DSTN: variants seen among roughly 807,000 people sequenced by gnomAD.
DSTN encodes the protein destrin.
In DSTN, 10 loss-of-function variants were observed where a neutral mutation model predicts 16.8. The ratio of observed to expected loss-of-function variants is 0.60; its 90% confidence interval spans 0.37 to 1.01. The LOEUF (loss-of-function observed/expected upper bound fraction) is 1.01. Ranked by LOEUF, DSTN falls within the 50% of genes least tolerant of loss-of-function variation. The pLI is 0.01. For missense variants in DSTN, 141 were observed against 196.7 expected, an observed-to-expected ratio of 0.72 and a Z score of 1.69; for synonymous variants, 57 against 58.9, an observed-to-expected ratio of 0.97 and a Z score of 0.14.
chr20:17,577,354 A>G (rs1485521114), intron 1 of DSTN, among the ~76,000 whole-genome samples: 1 of 152,156 alleles, frequency 6.6e-6, no homozygotes, highest in Admixed American at 6.5e-5. Flanking sequence ...GAATTCTCAA[A>G]TCATTGTAAG....
chr20:17,597,085 C>T (rs1430158540), intron 1 of DSTN, among the ~76,000 whole-genome samples: 1 of 152,116 alleles, frequency 6.6e-6, no homozygotes, highest in Non-Finnish European at 1.5e-5. Flanking sequence ...ATTTTTGTTG[C>T]TTTGAACATT....
chr20:17,592,597 AT>A (rs869270512), intron 1 of DSTN, among the ~76,000 whole-genome samples: 1 of 135,202 alleles, frequency 7.4e-6, no homozygotes, highest in East Asian at 2.4e-4. Context: ...GTTTTTTATT[AT>A]TTTTGCAGGC....
chr20:17,579,247 A>G (rs1384537689), intron 1 of DSTN, among the ~76,000 whole-genome samples: 2 of 152,104 alleles, frequency 1.3e-5, no homozygotes, highest in East Asian at 3.9e-4. Context: ...ACCTACCACC[A>G]CAACAGTATG....
At chr20:17,604,482 G>A in intron 2 of DSTN, 73 bp from the exon 3 acceptor site, 1 of 1,449,728 alleles carries the variant, frequency 6.9e-7, no homozygotes, top group Non-Finnish European at 9.5e-7. Context: ...GTTTACACAA[G>A]CAAATGTTTA....
At chr20:17,572,714 T>C (rs1216303370) in intron 1 of DSTN, among the ~76,000 whole-genome samples, 3 of 152,158 alleles carry the variant, frequency 2.0e-5, no homozygotes, top group Non-Finnish European at 2.9e-5. Context: ...ATTTAACATA[T>C]GAGAAAACAG....
intron 2 of DSTN, among the ~76,000 whole-genome samples, chr20:17,603,295 G>A (rs901622353): frequency 1.3e-5 from 2 of 152,170 alleles, no homozygotes; most frequent in African/African-American, 2.4e-5. Context: ...TAGCTATACC[G>A]TAATATCTTA....
intron 2 of DSTN, among the ~76,000 whole-genome samples, chr20:17,602,956 G>T (rs1237490561): frequency 6.6e-6 from 1 of 152,200 alleles, no homozygotes; most frequent in Non-Finnish European, 1.5e-5. Flanking sequence ...GGAGGCAGAG[G>T]TTGCAGTGAG....
rs916307732 is a variant in DSTN, at chr20:17,607,809, T to C, written c.*663T>C. 3 of 151,602 alleles carry C rather than the reference T, an allele frequency of 2.0e-5. No individual in the cohort carries two copies. Among genetic ancestry groups the C allele is most frequent in the African/African-American group, 2.4e-5 (1 of 40,852 alleles). The allele number at this position is 151,602 out of a possible 1,614,324, so 9.4% of individuals were successfully genotyped here. On this transcript the variant is annotated 3_prime_UTR_variant, in exon 4 of 4. Coordinates refer to ENST00000246069, the MANE Select transcript of DSTN (RefSeq NM_006870.4). Reference sequence around the variant, plus strand: ...GAGTGACCTGGCATCTTGGAAATCATTGTGTGTCTTCAGGAGAATGTGCAG... The same window carrying C: ...GAGTGACCTGGCATCTTGGAAATCACTGTGTGTCTTCAGGAGAATGTGCAG...
Position 17,607,020 on chromosome 20 carries a change from T to A in DSTN, c.389-17T>A, listed in dbSNP as rs780883273. The A allele has an allele frequency of 1.9e-6, 3 of 1,611,088 alleles. No homozygotes were observed. The highest frequency in any genetic ancestry group is 2.5e-6 in the Non-Finnish European group (3 of 1,178,378). ...GCTGCCATAATTGTAAATAGAAGTG[T>A]TGTTTTTTCTCTCTAGGCATAAAAC... is the stretch of plus-strand genomic sequence containing the variant. On this transcript the variant is annotated splice_polypyrimidine_tract_variant and intron_variant, in intron 3 of 3. Transcript: ENST00000246069.
At chr20:17,601,113 A>G in intron 2 of DSTN, 68 bp downstream of exon 2, 1 of 1,484,698 alleles carries the variant, frequency 6.7e-7, no homozygotes, top group Non-Finnish European at 9.0e-7. Context: ...GACCAGTTCC[A>G]GCACCAAAGT....
chr20:17,581,331 A>G (rs764484208), intron 1 of DSTN, among the ~76,000 whole-genome samples: 25 of 152,146 alleles, frequency 1.6e-4, no homozygotes, highest in Non-Finnish European at 3.5e-4. Context: ...AAAATAAAAC[A>G]TAAATAACCA....
At chr20:17,585,662 CAT>C (rs759575450) in intron 1 of DSTN, among the ~76,000 whole-genome samples, 240 of 152,178 alleles carry the variant, frequency 1.6e-3, no homozygotes, top group African/African-American at 4.8e-3. Flanking sequence ...CACACACACA[CAT>C]ATATATACAT....
intron 1 of DSTN, among the ~76,000 whole-genome samples, chr20:17,595,967 C>G (rs1261693087): frequency 2.0e-5 from 3 of 152,100 alleles, no homozygotes; most frequent in African/African-American, 7.2e-5. Context: ...CTTATGTTTT[C>G]TGTCTTTACC....
At chr20:17,577,580 C>A (rs541370547) in intron 1 of DSTN, among the ~76,000 whole-genome samples, 1 of 148,980 alleles carries the variant, frequency 6.7e-6, no homozygotes, top group East Asian at 2.0e-4. Context: ...AAAAAAAAAT[C>A]TTTAGAGGAA....
intron 1 of DSTN, among the ~76,000 whole-genome samples, chr20:17,593,527 A>G (rs957973776): frequency 3.9e-5 from 6 of 152,246 alleles, no homozygotes; most frequent in Non-Finnish European, 8.8e-5. Context: ...TGGTGGAGAT[A>G]CATGATCTTA....
chr20:17,598,925 T>A (rs1220679089), intron 1 of DSTN, among the ~76,000 whole-genome samples: 1 of 152,082 alleles, frequency 6.6e-6, no homozygotes, highest in Non-Finnish European at 1.5e-5. Context: ...CAAAGCATGG[T>A]TTTACATAAA....
In DSTN at chr20:17,572,466, C is replaced by G. The variant is rs189905984; in HGVS notation, c.3+2255C>G. Reference sequence around the variant, plus strand: ...GATTGAGACATCACACCTAGACTTGCCTAGCTCCTCTTGTAACCAGAGTAT... The same window carrying G: ...GATTGAGACATCACACCTAGACTTGGCTAGCTCCTCTTGTAACCAGAGTAT... On this transcript the variant is annotated intron_variant, in intron 1 of 3. Transcript: ENST00000246069. 4.3e-3 allele frequency among the ~76,000 whole-genome samples: 652 copies of G among 152,296 alleles called. 3 individuals carry two copies. The highest frequency in any genetic ancestry group is 5.0e-3 in the South Asian group (24 of 4,834).
At chr20:17,598,485 G>C (rs73258697) in intron 1 of DSTN, among the ~76,000 whole-genome samples, 8,290 of 152,038 alleles carry the variant, frequency 0.055, 306 homozygotes, top group East Asian at 0.12. Context: ...TTTTTTCCAC[G>C]TCCTTATTAA....
intron 1 of DSTN, among the ~76,000 whole-genome samples, chr20:17,583,786 G>A (rs915818504): frequency 1.6e-5 from 2 of 122,316 alleles, no homozygotes; most frequent in African/African-American, 2.9e-5. Flanking sequence ...ACCCAGGTTG[G>A]AGTGCAGTGG....
Sources: allele counts gnomAD v4.1 joint callset (sites outside exome capture counted in the v4.1 genomes callset), GRCh38; gene constraint gnomAD v4.1.1; transcripts MANE v1.5; gene names NCBI Gene and HGNC (gene_info 2026-07-23, HGNC 2026-07-21).